AK5: variants seen among roughly 807,000 people sequenced by gnomAD.
The protein encoded by AK5 is adenylate kinase isoenzyme 5.
Under a neutral mutation model 69.5 loss-of-function variants are expected in AK5, and 27 were observed. The ratio of observed to expected loss-of-function variants is 0.39; its 90% confidence interval spans 0.29 to 0.54. The LOEUF is 0.54. AK5 is among the 20% of genes least tolerant of loss of function. AK5 has a pLI of 0.71. For synonymous variants in AK5, 260 were observed against 244.4 expected (o/e 1.06, Z -0.60); for missense variants, 531 against 700.4 (o/e 0.76, Z 2.73).
At chr1:77,429,606 T>C (rs1361203718) in intron 8 of AK5, among the ~76,000 whole-genome samples, 1 of 152,164 alleles carries the variant, frequency 6.6e-6, no homozygotes, top group Non-Finnish European at 1.5e-5. Context: ...TGTGAAGTAC[T>C]TGGGAGAATA....
At chr1:77,320,975 A>G (rs897823394) in intron 5 of AK5, among the ~76,000 whole-genome samples, 9 of 152,238 alleles carry the variant, frequency 5.9e-5, no homozygotes, top group South Asian at 2.1e-4. Flanking sequence ...GAAGAAATAG[A>G]CAAATGCAAA....
chr1:77,402,089 G>A (rs1649252442), intron 6 of AK5, among the ~76,000 whole-genome samples: 1 of 152,174 alleles, frequency 6.6e-6, no homozygotes, highest in Non-Finnish European at 1.5e-5. Context: ...TTTCAGAGCT[G>A]TGAGCAACTT....
intron 3 of AK5, among the ~76,000 whole-genome samples, chr1:77,294,381 T>C (rs987451817): frequency 7.7e-6 from 1 of 129,802 alleles, no homozygotes; most frequent in Non-Finnish European, 1.6e-5. Flanking sequence ...GAGTCCAGCC[T>C]GGGCAACCTA....
intron 10 of AK5, among the ~76,000 whole-genome samples, chr1:77,499,872 T>G (rs1656602131): frequency 7.7e-5 from 4 of 52,072 alleles, no homozygotes; most frequent in African/African-American, 5.0e-4. Flanking sequence ...CTTTTTCCAT[T>G]TTTTTTTTTT....
At chr1:77,429,057 C>T (rs1255280328) in intron 8 of AK5, among the ~76,000 whole-genome samples, 5 of 152,114 alleles carry the variant, frequency 3.3e-5, no homozygotes, top group Admixed American at 1.3e-4. Context: ...CCACAATAAA[C>T]ATATGTGTGT....
intron 10 of AK5, among the ~76,000 whole-genome samples, chr1:77,514,057 G>A (rs1657501882): frequency 6.6e-6 from 1 of 152,172 alleles, no homozygotes; most frequent in Admixed American, 6.5e-5. Context: ...TTACTCAGAT[G>A]CAAATTGGGC....
intron 6 of AK5, among the ~76,000 whole-genome samples, chr1:77,399,839 G>A (rs896731145): frequency 6.6e-6 from 1 of 152,200 alleles, no homozygotes; most frequent in African/African-American, 2.4e-5. Context: ...CTGCTGTGGG[G>A]TGCAACTAGA....
chr1:77,411,025 C>T lies in AK5; in HGVS notation c.936C>T (p.Ser312=). 6.2e-7 allele frequency: 1 copy of T among 1,613,940 alleles called. No homozygotes were observed. The highest frequency in any genetic ancestry group is 8.5e-7 in the Non-Finnish European group (1 of 1,179,910). ...RDEDEVFYDI[S]MAVDNKLFPN... ...AGGATGAGGTGTTCTATGACATCAG[C>T]ATGGCAGTTGACAACAAGTTATTTC... The change falls in exon 7 of 14, where the codon AGC becomes AGT. Residue 312 remains serine, a synonymous_variant. Coordinates refer to ENST00000354567, the MANE Select transcript of AK5 (RefSeq NM_174858.3).
chr1:77,416,488 T>TA (rs1359917047), intron 7 of AK5, among the ~76,000 whole-genome samples: 1 of 152,194 alleles, frequency 6.6e-6, no homozygotes, highest in South Asian at 2.1e-4. Flanking sequence ...TATCATCCTG[T>TA]AAAAAATGTA....
intron 12 of AK5, among the ~76,000 whole-genome samples, chr1:77,528,832 G>A (rs147504055): frequency 1.3e-5 from 2 of 152,318 alleles, no homozygotes; most frequent in Non-Finnish European, 2.9e-5. Flanking sequence ...GAACAGGCCT[G>A]TATTTGGAGC....
intron 6 of AK5, among the ~76,000 whole-genome samples, chr1:77,409,478 C>T (rs1051475405): frequency 6.6e-6 from 1 of 152,128 alleles, no homozygotes; most frequent in African/African-American, 2.4e-5. Context: ...TTGCATTTCT[C>T]TAATGATCAG....
intron 13 of AK5, among the ~76,000 whole-genome samples, chr1:77,557,489 G>A (rs766980888): frequency 4.6e-5 from 7 of 152,198 alleles, no homozygotes; most frequent in South Asian, 2.1e-4. Flanking sequence ...AAATCTCAGC[G>A]GTGGGTGCGT....
chr1:77,520,344 G>A (rs1171599377), intron 11 of AK5, among the ~76,000 whole-genome samples: 1 of 152,024 alleles, frequency 6.6e-6, no homozygotes, highest in Non-Finnish European at 1.5e-5. Flanking sequence ...TGATTTCTTT[G>A]AAACATTTAT....
chr1:77,413,091 G>A (rs559494047), intron 7 of AK5, among the ~76,000 whole-genome samples: 12 of 151,900 alleles, frequency 7.9e-5, no homozygotes, highest in African/African-American at 2.7e-4. Flanking sequence ...GGCTGGCCAC[G>A]AGTACCCTTA....
At chr1:77,361,896 A>C (rs1646871890) in intron 6 of AK5, among the ~76,000 whole-genome samples, 1 of 152,102 alleles carries the variant, frequency 6.6e-6, no homozygotes, top group Non-Finnish European at 1.5e-5. Context: ...GAATTGTGGG[A>C]GTTACAATTC....
chr1:77,351,892 T>C (rs976558808), intron 6 of AK5, among the ~76,000 whole-genome samples: 2 of 151,960 alleles, frequency 1.3e-5, no homozygotes, highest in South Asian at 4.1e-4. Context: ...TTTTTTCTGT[T>C]TGAAAAGATA....
At chr1:77,351,837 G>A (rs1662224950) in intron 6 of AK5, among the ~76,000 whole-genome samples, 1 of 152,034 alleles carries the variant, frequency 6.6e-6, no homozygotes, top group Non-Finnish European at 1.5e-5. Flanking sequence ...TGGAATAAAT[G>A]AGTGAGCCAA....
chr1:77,337,543 T>C (rs1353053624), intron 5 of AK5, among the ~76,000 whole-genome samples: 1 of 152,164 alleles, frequency 6.6e-6, no homozygotes, highest in Admixed American at 6.5e-5. Flanking sequence ...TTTATTATAG[T>C]GGCTGAAGCT....
At chr1:77,391,430 TAC>T (rs1242739355) in intron 6 of AK5, among the ~76,000 whole-genome samples, 4 of 124,772 alleles carry the variant, frequency 3.2e-5, no homozygotes, top group African/African-American at 1.0e-4. Context: ...TGTATATATA[TAC>T]ATATATACAT....
Sources: gnomAD v4.1 joint callset for allele counts (sites outside exome capture counted in the v4.1 genomes callset) on GRCh38, gnomAD v4.1.1 for gene constraint, MANE v1.5 for transcripts, NCBI Gene and HGNC (gene_info 2026-07-23, HGNC 2026-07-21) for gene names.